The following ZBTB7C variants were observed in gnomAD, a reference collection of about 807,000 sequenced individuals.
The protein encoded by ZBTB7C is zinc finger and BTB domain-containing protein 7C.
ZBTB7C carries 8 observed loss-of-function variants against 25.7 expected under a neutral mutation model. The ratio of observed to expected loss-of-function variants is 0.31; its 90% confidence interval spans 0.18 to 0.56. The LOEUF is 0.56. Ranked by LOEUF, ZBTB7C falls within the 20% of genes least tolerant of loss-of-function variation. The pLI is 0.91. For missense variants in ZBTB7C, 824 were observed against 855.2 expected, an observed-to-expected ratio of 0.96 and a Z score of 0.46; for synonymous variants, 394 against 369.0, an observed-to-expected ratio of 1.07 and a Z score of -0.78.
intron 3 of ZBTB7C, among the ~76,000 whole-genome samples, chr18:48,160,848 C>G (rs1428969515): frequency 6.6e-6 from 1 of 152,002 alleles, no homozygotes; most frequent in Non-Finnish European, 1.5e-5. Context: ...TATGAGGGAT[C>G]CCTGAAAGGC....
chr18:48,283,456 G>A (rs1378928043), intron 2 of ZBTB7C, among the ~76,000 whole-genome samples: 1 of 152,120 alleles, frequency 6.6e-6, no homozygotes, highest in East Asian at 1.9e-4. Context: ...CACCCAAGCA[G>A]AAATTAAAAA....
At chr18:48,045,966 T>C (rs2036453088) in intron 3 of ZBTB7C, among the ~76,000 whole-genome samples, 1 of 152,216 alleles carries the variant, frequency 6.6e-6, no homozygotes, top group Non-Finnish European at 1.5e-5. Context: ...GCCAACTTGC[T>C]AGTTGAATGG....
chr18:48,300,602 G>A (rs926998567), intron 2 of ZBTB7C, among the ~76,000 whole-genome samples: 1 of 152,180 alleles, frequency 6.6e-6, no homozygotes, highest in African/African-American at 2.4e-5. Context: ...CTAGAGGGGC[G>A]GGGCCAGGAG....
At chr18:48,113,698 C>T (rs546814387) in intron 3 of ZBTB7C, among the ~76,000 whole-genome samples, 1 of 152,350 alleles carries the variant, frequency 6.6e-6, no homozygotes, top group South Asian at 2.1e-4. Context: ...CAGGCTGAGC[C>T]CTCCACACAG....
At chr18:48,359,450 A>G (rs1407349385) in intron 1 of ZBTB7C, among the ~76,000 whole-genome samples, 1 of 152,230 alleles carries the variant, frequency 6.6e-6, no homozygotes, top group Non-Finnish European at 1.5e-5. Flanking sequence ...AAAATATAAC[A>G]AAGTTTTTAT....
intron 3 of ZBTB7C, among the ~76,000 whole-genome samples, chr18:48,127,489 G>C (rs2039841670): frequency 6.6e-6 from 1 of 152,236 alleles, no homozygotes; most frequent in African/African-American, 2.4e-5. Context: ...GACCTGCATG[G>C]GTGTCCTACA....
At chr18:48,286,142 C>T (rs907959240) in intron 2 of ZBTB7C, among the ~76,000 whole-genome samples, 2 of 152,078 alleles carry the variant, frequency 1.3e-5, no homozygotes, top group Admixed American at 6.6e-5. Context: ...TGACAATATC[C>T]TTCTCTTGGT....
chr18:48,357,439 A>G (rs1250931629), intron 1 of ZBTB7C, among the ~76,000 whole-genome samples: 1 of 152,212 alleles, frequency 6.6e-6, no homozygotes, highest in Non-Finnish European at 1.5e-5. Flanking sequence ...CACATAGGAA[A>G]GGTGACAATG....
intron 2 of ZBTB7C, among the ~76,000 whole-genome samples, chr18:48,330,653 TAA>T (rs764929749): frequency 1.4e-5 from 2 of 143,048 alleles, no homozygotes; most frequent in African/African-American, 2.6e-5. Context: ...TTTCTGTATT[TAA>T]AAAAAAAAAA....
chr18:48,188,813 T>C (rs1047390132), intron 2 of ZBTB7C, among the ~76,000 whole-genome samples: 3 of 152,160 alleles, frequency 2.0e-5, no homozygotes, highest in Non-Finnish European at 4.4e-5. Context: ...CTCATACCCC[T>C]GCCTAGAAAG....
At chr18:48,357,872 G>A (rs75252382) in intron 1 of ZBTB7C, among the ~76,000 whole-genome samples, 2,119 of 152,268 alleles carry the variant, frequency 0.014, 62 homozygotes, top group African/African-American at 0.049. Flanking sequence ...GTTACACAGC[G>A]GATAAAGTTT....
chr18:48,078,123 T>C (rs1373514767), intron 3 of ZBTB7C, among the ~76,000 whole-genome samples: 1 of 152,026 alleles, frequency 6.6e-6, no homozygotes, highest in African/African-American at 2.4e-5. Flanking sequence ...GGGAGATTTG[T>C]CACTAAGATG....
At chr18:48,263,456 G>A (rs992259799) in intron 2 of ZBTB7C, among the ~76,000 whole-genome samples, 2 of 152,256 alleles carry the variant, frequency 1.3e-5, no homozygotes, top group Non-Finnish European at 2.9e-5. Flanking sequence ...TTAAGGATTA[G>A]AGAAAACAGA....
intron 3 of ZBTB7C, chr18:48,148,836 C>T (rs2040577392): frequency 6.6e-6 from 1 of 152,322 alleles, no homozygotes; most frequent in African/African-American, 2.4e-5. Flanking sequence ...GGTAATGAGA[C>T]CCGCCTTATT....
chr18:48,115,637 CT>C (rs1164017658), intron 3 of ZBTB7C, among the ~76,000 whole-genome samples: 2 of 152,148 alleles, frequency 1.3e-5, no homozygotes, highest in Non-Finnish European at 2.9e-5. Context: ...TTGTTTCTAC[CT>C]TTTGGCTATC....
intron 3 of ZBTB7C, among the ~76,000 whole-genome samples, chr18:48,075,867 C>T (rs2144436274): frequency 6.6e-6 from 1 of 152,338 alleles, no homozygotes; most frequent in African/African-American, 2.4e-5. Flanking sequence ...GATGCCCCAT[C>T]CTCCCAAATC....
intron 2 of ZBTB7C, among the ~76,000 whole-genome samples, chr18:48,187,148 C>A (rs1030374583): frequency 6.6e-6 from 1 of 152,162 alleles, no homozygotes; most frequent in African/African-American, 2.4e-5. Context: ...CCTTGTGGAG[C>A]CTTAGCAGTG....
chr18:48,188,915 A>G (rs1481898712), intron 2 of ZBTB7C, among the ~76,000 whole-genome samples: 2 of 152,170 alleles, frequency 1.3e-5, no homozygotes, highest in Non-Finnish European at 2.9e-5. Context: ...GATCCCTCCC[A>G]GTTGTACTTT....
At chr18:48,403,957 G>GA (rs1470685366) in intron 1 of ZBTB7C, among the ~76,000 whole-genome samples, 5 of 151,254 alleles carry the variant, frequency 3.3e-5, no homozygotes, top group Non-Finnish European at 5.9e-5. Context: ...AAAAAGAAAA[G>GA]AAAAAAAAAG....
Sources: gnomAD v4.1 joint callset for allele counts (sites outside exome capture counted in the v4.1 genomes callset) on GRCh38, gnomAD v4.1.1 for gene constraint, MANE v1.5 for transcripts, NCBI Gene and HGNC (gene_info 2026-07-23, HGNC 2026-07-21) for gene names.